Variants in SIRPB2 observed in about 807,000 individuals in gnomAD.
The protein encoded by SIRPB2 is signal regulatory protein beta 2.
SIRPB2 carries 18 observed loss-of-function variants against 27.1 expected under a neutral mutation model. The observed-to-expected ratio is 0.66, with a 90% confidence interval of 0.46 to 0.98. The LOEUF (loss-of-function observed/expected upper bound fraction) is 0.98. Ranked by LOEUF, SIRPB2 falls within the 50% of genes least tolerant of loss-of-function variation. The pLI, the probability that SIRPB2 is intolerant of heterozygous loss-of-function variation, is 0.00. For missense variants in SIRPB2, 420 were observed against 417.4 expected (o/e 1.01, Z -0.06); for synonymous variants, 150 against 164.6 (o/e 0.91, Z 0.68).
chr20:1,481,402 C>T (rs150763410), intron 1 of SIRPB2, among the ~76,000 whole-genome samples: 70 of 152,216 alleles, frequency 4.6e-4, no homozygotes, highest in African/African-American at 1.5e-3. Flanking sequence ...CAGTAGATAT[C>T]GTGTCCAGGA....
intron 1 of SIRPB2, among the ~76,000 whole-genome samples, chr20:1,488,520 C>T (rs878868858): frequency 1.3e-5 from 2 of 151,964 alleles, no homozygotes; most frequent in African/African-American, 2.4e-5. Context: ...TAGTGATGTG[C>T]GCTTGTAGTC....
chr20:1,487,082 TA>T (rs1248985556), intron 1 of SIRPB2, among the ~76,000 whole-genome samples: 1 of 152,164 alleles, frequency 6.6e-6, no homozygotes, highest in Non-Finnish European at 1.5e-5. Context: ...GAAAATTTCT[TA>T]AAAAGGCTAC....
In SIRPB2 at chr20:1,476,360, A is replaced by G. The variant is rs768855857; in HGVS notation, c.860-24T>C. 3 of 1,598,220 alleles carry G rather than the reference A, an allele frequency of 1.9e-6. No individual in the cohort carries two copies. In the Admixed American group the frequency reaches 5.3e-5, roughly 28 times the overall value. On this transcript the variant is annotated intron_variant, in intron 4 of 4. Transcript: ENST00000359801. ...GCCTGGGAGGCACAGGAGAGAGCTC[A>G]GGCGGGACCCGTGGTGAGGGCCCCA...
chr20:1,473,972 G>C (rs2090590419), downstream of SIRPB2: 1 of 421,634 alleles, frequency 2.4e-6, no homozygotes, highest in Admixed American at 2.6e-5. Flanking sequence ...GGAGGCTCCA[G>C]GGGGAGAATT....
chr20:1,477,964 G>A, intron 3 of SIRPB2: 2 of 517,404 alleles, frequency 3.9e-6, no homozygotes, highest in Non-Finnish European at 7.5e-6. Flanking sequence ...GTGAACTACG[G>A]TGCCTGGCCA....
At chr20:1,477,059 GTCCC>G in intron 4 of SIRPB2, 1 of 1,408,458 alleles carries the variant, frequency 7.1e-7, no homozygotes, top group South Asian at 1.4e-5. Context: ...CTCACAGTGT[GTCCC>G]TACACTCAGA....
intron 1 of SIRPB2, among the ~76,000 whole-genome samples, chr20:1,488,081 T>C (rs916393953): frequency 1.3e-5 from 2 of 152,162 alleles, no homozygotes; most frequent in African/African-American, 2.4e-5. Flanking sequence ...TAAAGACAAA[T>C]TGATGAATTG....
At position 1,477,332 on chromosome 20, in the gene SIRPB2, G is replaced by T. The variant is rs369519331; in HGVS notation, c.859+6C>A. 154 of 1,614,068 alleles carry T rather than the reference G, an allele frequency of 9.5e-5. No homozygotes were observed. The highest frequency in any genetic ancestry group is 1.2e-4 in the Non-Finnish European group (141 of 1,180,042). On this transcript the variant is annotated splice_donor_region_variant and intron_variant, in intron 4 of 4. Coordinates refer to ENST00000359801, the MANE Select transcript of SIRPB2 (RefSeq NM_001122962.2). Reference sequence around the variant, plus strand: ...TCATTGACTCCACTGAGGTGGGTACGCTCACCTGTTGGAGACATCTCAGTT... The same window carrying T: ...TCATTGACTCCACTGAGGTGGGTACTCTCACCTGTTGGAGACATCTCAGTT...
rs778565159 is a variant in SIRPB2 at position 1,478,531 on chromosome 20, GAC to G, written c.526_527del (p.Val176LeufsTer48). ...CTCCAAGCACTGTGCAGTTCAGAAAGACAGTGTCTCCAGTGGTCCCCAACACC... is the reference window on the plus strand; with the variant it reads ...CTCCAAGCACTGTGCAGTTCAGAAAGAGTGTCTCCAGTGGTCCCCAACACC... ...ELVLGTTGDT[V>X]FLNCTVLGDG... On this transcript the variant is annotated frameshift_variant, in exon 3 of 5. Transcript: ENST00000359801. LOFTEE classifies it high-confidence loss of function. The G allele has an allele frequency of 1.2e-6, 2 of 1,613,790 alleles. No homozygotes were observed. Among genetic ancestry groups the G allele is most frequent in the South Asian group, 2.2e-5 (2 of 91,076 alleles).
In SIRPB2 at chr20:1,482,504, T is replaced by C. The variant is rs116535634; in HGVS notation, c.86-2439A>G. 7.2e-3 allele frequency among the ~76,000 whole-genome samples: 1,089 copies of C among 151,962 alleles called. 23 individuals carry two copies. The highest frequency in any genetic ancestry group is 0.025 in the African/African-American group (1,054 of 41,400). ...TTTCTGTGTCTGGCTCACTCCTTCC[T>C]TCCTTCCCTCCTTCCTTCCTTTCTT... On this transcript the variant is annotated intron_variant, in intron 1 of 4. Transcript: ENST00000359801.
In SIRPB2 at chr20:1,491,387, G is replaced by A. The variant is rs1295667554; in HGVS notation, c.-28C>T. 1 of 1,591,338 alleles carries A rather than the reference G, an allele frequency of 6.3e-7. No individual in the cohort carries two copies. The highest frequency in any genetic ancestry group is 1.7e-4 in the Middle Eastern group (1 of 5,974). ...CATCTTCTGTGGTCCCCAAGACTTG[G>A]GGCTCCTCTGCTCTCTTGTGAGTGT... On this transcript the variant is annotated 5_prime_UTR_variant, in exon 1 of 5. Transcript: ENST00000359801.
chr20:1,476,076 G>T lies in SIRPB2; in HGVS notation c.*91C>A. ...TAGGAGTTTGTCATGAGGCCTGGGG[G>T]CACCTAGAGGCTGGGACTGGAGGTA... On this transcript the variant is annotated 3_prime_UTR_variant, in exon 5 of 5. Coordinates refer to ENST00000359801, the MANE Select transcript of SIRPB2 (RefSeq NM_001122962.2). The T allele has an allele frequency of 6.9e-7, 1 of 1,445,660 alleles. No individual in the cohort carries two copies. The highest frequency in any genetic ancestry group is 9.5e-7 in the Non-Finnish European group (1 of 1,054,102). The allele number at this position is 1,445,660 out of a possible 1,614,324, so 89.6% of individuals were successfully genotyped here. A position where few individuals can be genotyped will look rare whatever the true frequency, so the allele number is the denominator to read the frequency against.
Position 1,476,343 on chromosome 20 carries a change from G to A in SIRPB2, c.860-7C>T, listed in dbSNP as rs1350154418. The A allele has an allele frequency of 3.1e-6, 5 of 1,609,430 alleles. No individual in the cohort carries two copies. The Admixed American group carries it at 8.4e-5, about 27-fold the overall frequency. On this transcript the variant is annotated splice_region_variant and splice_polypyrimidine_tract_variant and intron_variant, in intron 4 of 4. Transcript: ENST00000359801. ...GCGAACACAACCAGGAGGCCTGGGAGGCACAGGAGAGAGCTCAGGCGGGAC... is the reference window on the plus strand; with the variant it reads ...GCGAACACAACCAGGAGGCCTGGGAAGCACAGGAGAGAGCTCAGGCGGGAC...
intron 1 of SIRPB2, among the ~76,000 whole-genome samples, chr20:1,483,155 C>T (rs6079304): frequency 1.3e-5 from 2 of 150,406 alleles, no homozygotes; most frequent in African/African-American, 2.5e-5. Context: ...CACCCAGGCT[C>T]GAGTGCAGTG....
chr20:1,478,192 T>C, intron 3 of SIRPB2, 74 bp downstream of exon 3: 3 of 1,398,614 alleles, frequency 2.1e-6, no homozygotes, highest in Non-Finnish European at 3.0e-6. Context: ...AACTGGCTTG[T>C]TCGGGACATG....
At chr20:1,487,151 T>C (rs1481783989) in intron 1 of SIRPB2, among the ~76,000 whole-genome samples, 1 of 152,224 alleles carries the variant, frequency 6.6e-6, no homozygotes, top group African/African-American at 2.4e-5. Context: ...TACAAAATTA[T>C]ATGTATTACT....
chr20:1,478,611 A>C lies in SIRPB2; in HGVS notation c.452-4T>G. The C allele has an allele frequency of 6.4e-7, 1 of 1,554,694 alleles. No homozygotes were observed. Among genetic ancestry groups the C allele is most frequent in the African/African-American group, 1.4e-5 (1 of 72,950 alleles). The stretch of plus-strand genomic sequence containing the variant: ...TCTGGTTCAGGGTCCCCAGCTCCTG[A>C]AGCCAAAGAGGAGGTCCTTGTTGAA... On this transcript the variant is annotated splice_polypyrimidine_tract_variant and splice_region_variant and intron_variant, in intron 2 of 4. Transcript: ENST00000359801.
At chr20:1,479,417 G>A (rs192959000) in intron 2 of SIRPB2, 6 of 460,514 alleles carry the variant, frequency 1.3e-5, no homozygotes, top group Non-Finnish European at 2.0e-5. Context: ...AATGTGAGTA[G>A]ATGCTTGAGG....
chr20:1,484,458 GA>G (rs1403337924), intron 1 of SIRPB2, among the ~76,000 whole-genome samples: 2 of 151,988 alleles, frequency 1.3e-5, no homozygotes, highest in African/African-American at 4.8e-5. Flanking sequence ...CCTGACAGGG[GA>G]CTAATCTAAT....
Sources: allele counts gnomAD v4.1 joint callset (sites outside exome capture counted in the v4.1 genomes callset), GRCh38; gene constraint gnomAD v4.1.1; transcripts MANE v1.5; gene names NCBI Gene and HGNC (gene_info 2026-07-23, HGNC 2026-07-21).